CALCRL: variants seen among roughly 807,000 people sequenced by gnomAD.
The protein encoded by CALCRL is calcitonin gene-related peptide type 1 receptor.
Under a neutral mutation model 60.4 loss-of-function variants are expected in CALCRL, and 27 were observed. The ratio of observed to expected loss-of-function variants is 0.45; its 90% CI spans 0.33 to 0.62. The LOEUF (loss-of-function observed/expected upper bound fraction) is 0.62, where lower values mean the gene tolerates loss of function less well. CALCRL is among the 20% of genes least tolerant of loss of function. The pLI is 0.03. For missense variants in CALCRL, 424 were observed against 540.7 expected, an observed-to-expected ratio of 0.78 and a Z score of 2.14; for synonymous variants, 190 against 182.6, an observed-to-expected ratio of 1.04 and a Z score of -0.33.
chr2:187,360,522 T>A, intron 10 of CALCRL, 76 bp downstream of exon 10: 1 of 1,265,604 alleles, frequency 7.9e-7, no homozygotes, highest in Non-Finnish European at 1.1e-6. Flanking sequence ...GGTATATTCA[T>A]ATTACAAAGG....
chr2:187,383,252 T>A lies in CALCRL; in HGVS notation c.105A>T (p.Gly35=). 1 of 1,612,100 alleles carries A rather than the reference T, an allele frequency of 6.2e-7. No individual in the cohort carries two copies. Among genetic ancestry groups the A allele is most frequent in the Non-Finnish European group, 8.5e-7 (1 of 1,179,146 alleles). The change falls in exon 5 of 15, where the codon GGA becomes GGT. Residue 35 remains glycine (G), a synonymous_variant. Transcript: ENST00000392370. Reference sequence around the variant, plus strand: ...CTGTCATGATTTTATTTCTAGTAACTCCCAACTGAATTGAGTCCTCAGGAC... The same window carrying A: ...CTGTCATGATTTTATTTCTAGTAACACCCAACTGAATTGAGTCCTCAGGAC... ...EESPEDSIQL[G]VTRNKIMTAQ...
chr2:187,355,218 A>G (rs1686718095), intron 12 of CALCRL, among the ~76,000 whole-genome samples: 2 of 152,086 alleles, frequency 1.3e-5, no homozygotes, highest in Non-Finnish European at 1.5e-5. Flanking sequence ...AAAATAAAAC[A>G]GAAAACTTGC....
Position 187,407,085 on chromosome 2 carries a change from A to G in CALCRL, c.-292-19329T>C, listed in dbSNP as rs540554272. Among the ~76,000 whole-genome samples, 4 of 152,172 alleles carry G rather than the reference A, an allele frequency of 2.6e-5. No individual in the cohort carries two copies. The South Asian group carries it at 8.3e-4, about 32-fold the overall frequency. On this transcript the variant is annotated intron_variant, in intron 1 of 14. Transcript: ENST00000392370. Reference sequence around the variant, plus strand: ...CTAACAGCACACTATCACACTAGATAAAGTTACGTCTGTTTTTGTTTTGTT... The same window carrying G: ...CTAACAGCACACTATCACACTAGATGAAGTTACGTCTGTTTTTGTTTTGTT...
chr2:187,390,644 T>C (rs1423724817), intron 1 of CALCRL, among the ~76,000 whole-genome samples: 1 of 152,188 alleles, frequency 6.6e-6, no homozygotes, highest in African/African-American at 2.4e-5. Flanking sequence ...TAAAAAGTAT[T>C]CAACTCACAA....
intron 14 of CALCRL, among the ~76,000 whole-genome samples, chr2:187,351,491 A>G (rs934575458): frequency 1.3e-5 from 2 of 151,786 alleles, no homozygotes; most frequent in Non-Finnish European, 2.9e-5. Context: ...CGTATTTGCC[A>G]TAAAGTTGTT....
intron 14 of CALCRL, 142 bp downstream of exon 14, chr2:187,351,778 T>C: frequency 1.6e-6 from 1 of 610,266 alleles, no homozygotes; most frequent in South Asian, 2.3e-5. Context: ...TGGTAAGAGA[T>C]TCTATGGTTC....
chr2:187,397,764 T>C (rs1348608691), intron 1 of CALCRL, among the ~76,000 whole-genome samples: 1 of 151,694 alleles, frequency 6.6e-6, no homozygotes, highest in East Asian at 1.9e-4. Context: ...GTACATTGTT[T>C]AGCTCCCGCT....
intron 1 of CALCRL, among the ~76,000 whole-genome samples, chr2:187,427,993 A>T (rs1210607091): frequency 6.7e-6 from 1 of 149,074 alleles, no homozygotes; most frequent in Non-Finnish European, 1.5e-5. Flanking sequence ...TGTGAGTGAA[A>T]TTTTTTACAG....
chr2:187,358,165 AC>A (rs1686881361), intron 12 of CALCRL, among the ~76,000 whole-genome samples: 1 of 152,082 alleles, frequency 6.6e-6, no homozygotes, highest in South Asian at 2.1e-4. Flanking sequence ...AGCCTGGGCA[AC>A]ATAGTGAGAT....
chr2:187,410,922 G>C (rs777382957), intron 1 of CALCRL, among the ~76,000 whole-genome samples: 3 of 151,974 alleles, frequency 2.0e-5, no homozygotes, highest in Non-Finnish European at 2.9e-5. Flanking sequence ...GGGGCCACAG[G>C]ATTTAATGGG....
At chr2:187,393,218 G>A (rs1347003306) in intron 1 of CALCRL, among the ~76,000 whole-genome samples, 2 of 152,014 alleles carry the variant, frequency 1.3e-5, no homozygotes, top group African/African-American at 4.8e-5. Flanking sequence ...CCCCACAAAG[G>A]ACGCTCTGGA....
intron 1 of CALCRL, among the ~76,000 whole-genome samples, chr2:187,442,540 T>G (rs1298908533): frequency 6.6e-6 from 1 of 151,826 alleles, no homozygotes; most frequent in East Asian, 1.9e-4. Flanking sequence ...TTTTGAAATA[T>G]AATAAATAAG....
Position 187,342,666 on chromosome 2 carries a change from AT to A in CALCRL, c.*3517del, listed in dbSNP as rs557489748. Among the ~76,000 whole-genome samples the A allele has an allele frequency of 1.1e-3, 166 of 151,804 alleles. No individual in the cohort carries two copies. Among genetic ancestry groups the A allele is most frequent in the Admixed American group, 1.8e-3 (27 of 15,226 alleles). ...CTCCAGAAAACAGAAAATGATGTAC[AT>A]TATTATTGATCATAAAAATAAAAAT... On this transcript the variant is annotated 3_prime_UTR_variant, in exon 15 of 15. Coordinates refer to ENST00000392370, the MANE Select transcript of CALCRL (RefSeq NM_005795.6).
intron 1 of CALCRL, among the ~76,000 whole-genome samples, chr2:187,420,454 T>G (rs1017321379): frequency 2.2e-4 from 33 of 151,156 alleles, no homozygotes; most frequent in African/African-American, 7.5e-4. Context: ...TCTTCTTTGA[T>G]TTTTTTTTCA....
intron 1 of CALCRL, among the ~76,000 whole-genome samples, chr2:187,425,774 T>G (rs1690091733): frequency 6.6e-6 from 1 of 151,980 alleles, no homozygotes; most frequent in African/African-American, 2.4e-5. Context: ...GTAAAATAAT[T>G]TTGAAAGAAC....
rs1315147954 is a variant in CALCRL, at chr2:187,345,474, T to C, written c.*710A>G. 6.6e-6 allele frequency: 1 copy of C among 152,220 alleles called. No homozygotes were observed. Among genetic ancestry groups the C allele is most frequent in the Non-Finnish European group, 1.5e-5 (1 of 67,842 alleles). 9.4% of individuals were successfully genotyped at this position (152,220 alleles called of 1,614,324 possible). On this transcript the variant is annotated 3_prime_UTR_variant, in exon 15 of 15. Transcript: ENST00000392370. ...AGCATCAACTAAGATGTTTTCCTAATGATATAGAAGTAGGATTGCATATTA... is the reference window on the plus strand; with the variant it reads ...AGCATCAACTAAGATGTTTTCCTAACGATATAGAAGTAGGATTGCATATTA...
At chr2:187,383,465 A>G (rs995765779) in intron 4 of CALCRL, among the ~76,000 whole-genome samples, 160 bp from the exon 5 acceptor site, 5 of 152,138 alleles carry the variant, frequency 3.3e-5, no homozygotes, top group African/African-American at 4.8e-5. Flanking sequence ...AGTGTTTGCT[A>G]TTTCCATGGT....
At chr2:187,411,723 G>A (rs925859983) in intron 1 of CALCRL, among the ~76,000 whole-genome samples, 6 of 152,004 alleles carry the variant, frequency 3.9e-5, no homozygotes, top group African/African-American at 9.7e-5. Flanking sequence ...GTAGTAAAAA[G>A]AATTACATCC....
intron 1 of CALCRL, among the ~76,000 whole-genome samples, chr2:187,434,319 C>T (rs988501033): frequency 4.6e-5 from 7 of 152,130 alleles, no homozygotes; most frequent in African/African-American, 1.7e-4. Context: ...AACCCTGCAA[C>T]ATTAAGTCAC....
Sources: gnomAD v4.1 joint callset for allele counts (sites outside exome capture counted in the v4.1 genomes callset) on GRCh38, gnomAD v4.1.1 for gene constraint, MANE v1.5 for transcripts, NCBI Gene and HGNC (gene_info 2026-07-23, HGNC 2026-07-21) for gene names.